SNX31: variants seen among roughly 807,000 people sequenced by gnomAD.
The protein encoded by SNX31 is sorting nexin-31.
Under a neutral mutation model 65.4 loss-of-function variants are expected in SNX31, and 58 were observed. The ratio of observed to expected loss-of-function variants is 0.89; its 90% confidence interval spans 0.72 to 1.10. The LOEUF (loss-of-function observed/expected upper bound fraction) is 1.10, where lower values mean the gene tolerates loss of function less well. SNX31 is among the 50% of genes least tolerant of loss of function. The pLI, the probability that SNX31 is intolerant of heterozygous loss-of-function variation, is 0.00. For synonymous variants in SNX31, 181 were observed against 190.1 expected, an observed-to-expected ratio of 0.95 and a Z score of 0.39; for missense variants, 523 against 529.7, an observed-to-expected ratio of 0.99 and a Z score of 0.12.
chr8:100,591,748 G>A (rs186115619), intron 10 of SNX31, among the ~76,000 whole-genome samples: 5 of 151,998 alleles, frequency 3.3e-5, no homozygotes, highest in Admixed American at 2.0e-4. Flanking sequence ...AGGATCTCTC[G>A]AGCCCACAGG....
At chr8:100,586,045 C>T (rs921081811) in intron 11 of SNX31, among the ~76,000 whole-genome samples, 5 of 152,094 alleles carry the variant, frequency 3.3e-5, no homozygotes, top group East Asian at 1.9e-4. Flanking sequence ...CTTAGCCTCC[C>T]GAGTAGCTGG....
At chr8:100,582,199 T>TTA (rs1192415261) in intron 12 of SNX31, 2 of 152,356 alleles carry the variant, frequency 1.3e-5, no homozygotes, top group South Asian at 2.1e-4. Context: ...CTTGAAAACT[T>TTA]TAAATAGATT....
In SNX31 at chr8:100,660,729, C is replaced by T. The variant is rs566020047; in HGVS notation, c.-58+2413G>A. On this transcript the variant is annotated intron_variant, in intron 1 of 5. Coordinates refer to the SNX31 transcript ENST00000520352. This position sits in a 1 kb window ranked among gnomAD's most constrained non-coding sequence, Gnocchi z 4.1. ...ACTCCAGTGTACTTGCTCTGAATCC[C>T]TCCTCTCCACAGACCCCAACGATTA... is the stretch of plus-strand genomic sequence containing the variant. Among the ~76,000 whole-genome samples the T allele has an allele frequency of 5.8e-4, 88 of 152,228 alleles. No individual in the cohort carries two copies. The highest frequency in any genetic ancestry group is 1.1e-3 in the Non-Finnish European group (76 of 68,034).
At chr8:100,644,361 C>T (rs1274890241) in intron 2 of SNX31, among the ~76,000 whole-genome samples, 2 of 152,154 alleles carry the variant, frequency 1.3e-5, no homozygotes, top group Non-Finnish European at 2.9e-5. Context: ...GTAACTTGGT[C>T]AAAATGAGCT....
At chr8:100,611,218 G>A (rs1208199813) in intron 7 of SNX31, among the ~76,000 whole-genome samples, 1 of 152,068 alleles carries the variant, frequency 6.6e-6, no homozygotes, top group Admixed American at 6.6e-5. Context: ...CACCTTCAGG[G>A]AATACCACAC....
chr8:100,661,285 C>T (rs1256138928), intron 1 of SNX31, among the ~76,000 whole-genome samples: 1 of 151,904 alleles, frequency 6.6e-6, no homozygotes, highest in Non-Finnish European at 1.5e-5. Flanking sequence ...GGATTACAGG[C>T]GTGAGCCACT....
In SNX31 at chr8:100,609,891, T is replaced by C. The variant is rs777201385; in HGVS notation, c.612-1328A>G. Reference sequence around the variant, plus strand: ...CCTGGAGGAAGCCATATCATCATCATTGGAGAGATGCACCCAGGCATCTCT... The same window carrying C: ...CCTGGAGGAAGCCATATCATCATCACTGGAGAGATGCACCCAGGCATCTCT... On this transcript the variant is annotated intron_variant, in intron 7 of 13. Transcript: ENST00000311812. This position sits in a 1 kb window ranked among gnomAD's most constrained non-coding sequence, Gnocchi z 4.9. 2.0e-5 allele frequency among the ~76,000 whole-genome samples: 3 copies of C among 152,186 alleles called. No individual in the cohort carries two copies. The highest frequency in any genetic ancestry group is 6.5e-5 in the Admixed American group (1 of 15,282).
intron 8 of SNX31, among the ~76,000 whole-genome samples, chr8:100,605,842 G>T (rs1478936417): frequency 2.6e-5 from 4 of 152,114 alleles, no homozygotes; most frequent in Non-Finnish European, 5.9e-5. Context: ...AGAAGCAAAA[G>T]ACATGCCATA....
At chr8:100,586,245 G>T (rs540382454) in intron 11 of SNX31, among the ~76,000 whole-genome samples, 1 of 152,184 alleles carries the variant, frequency 6.6e-6, no homozygotes, top group Non-Finnish European at 1.5e-5. Context: ...CATTTAAAAG[G>T]TCTCAAAAAG....
chr8:100,641,818 C>T (rs909704766), intron 2 of SNX31, among the ~76,000 whole-genome samples: 2 of 150,574 alleles, frequency 1.3e-5, no homozygotes, highest in African/African-American at 4.9e-5. Context: ...GTGGCTCACG[C>T]CTGTAATCCC....
intron 5 of SNX31, among the ~76,000 whole-genome samples, chr8:100,615,798 CTT>C (rs1817124400): frequency 1.3e-5 from 2 of 152,172 alleles, no homozygotes; most frequent in South Asian, 4.1e-4. Flanking sequence ...GAGACGGAGT[CTT>C]GCTCTGTCGC....
rs1207379953 is a variant in SNX31, at chr8:100,618,218, C to T, written c.322-488G>A. ...TTTGTGGGGTATAGTGGAGGCAAGG[C>T]AAAGGAGTAACATGAAGCTTAAAGA... On this transcript the variant is annotated intron_variant, in intron 4 of 13. Coordinates refer to ENST00000311812, the MANE Select transcript of SNX31 (RefSeq NM_152628.4). 4 of 1,432,988 alleles carry T rather than the reference C, an allele frequency of 2.8e-6. No individual in the cohort carries two copies. In the South Asian group the frequency reaches 4.3e-5, roughly 15 times the overall value. 88.8% of individuals were successfully genotyped at this position (1,432,988 alleles called of 1,614,324 possible).
At chr8:100,656,338 A>T (rs113362732) in intron 1 of SNX31, among the ~76,000 whole-genome samples, 726 of 152,250 alleles carry the variant, frequency 4.8e-3, no homozygotes, top group Non-Finnish European at 7.4e-3. Flanking sequence ...TCCTGCTCTG[A>T]AAAATAAATA....
At chr8:100,655,517 C>A (rs1008608943) in intron 1 of SNX31, among the ~76,000 whole-genome samples, 1 of 151,198 alleles carries the variant, frequency 6.6e-6, no homozygotes, top group South Asian at 2.1e-4. Context: ...TAAGAGGAAA[C>A]CCCTTTTGCT....
rs377673478 is a variant in SNX31 at position 100,625,721 on chromosome 8, T to C, written c.321+4606A>G. Among the ~76,000 whole-genome samples the C allele has an allele frequency of 6.6e-5, 10 of 152,224 alleles. No individual in the cohort carries two copies. The highest frequency in any genetic ancestry group is 2.4e-4 in the African/African-American group (10 of 41,538). On this transcript the variant is annotated intron_variant, in intron 4 of 13. Coordinates refer to ENST00000311812, the MANE Select transcript of SNX31 (RefSeq NM_152628.4). The surrounding 1 kb of genome is among the most constrained non-coding windows in gnomAD (Gnocchi z 4.2). Reference sequence around the variant, plus strand: ...AAGGAGGGAATCAGAGGTCTCAAAGTGCTGCAGAACTCAAGCAACGCATAA... The same window carrying C: ...AAGGAGGGAATCAGAGGTCTCAAAGCGCTGCAGAACTCAAGCAACGCATAA...
intron 8 of SNX31, among the ~76,000 whole-genome samples, chr8:100,607,779 A>G (rs1177214650): frequency 2.0e-5 from 3 of 152,224 alleles, no homozygotes; most frequent in Admixed American, 1.3e-4. Context: ...CATAAATATT[A>G]TATATATACC....
In SNX31 at chr8:100,576,846, A is replaced by G. The variant is rs1213125729; in HGVS notation, c.1227+173T>C. On this transcript the variant is annotated intron_variant, in intron 13 of 13. Coordinates refer to ENST00000311812, the MANE Select transcript of SNX31 (RefSeq NM_152628.4). The surrounding 1 kb of genome is among the most constrained non-coding windows in gnomAD (Gnocchi z 4.8). ...TGGTAGTGCTATGGGGTGCTACAAT[A>G]AAAATACTATACTTCTGTGATGGCC... Among the ~76,000 whole-genome samples, 1 of 152,208 alleles carries G rather than the reference A, an allele frequency of 6.6e-6. No homozygotes were observed. The highest frequency in any genetic ancestry group is 1.9e-4 in the East Asian group (1 of 5,198).
At chr8:100,628,094 G>C (rs1001586450) in intron 4 of SNX31, among the ~76,000 whole-genome samples, 4 of 152,080 alleles carry the variant, frequency 2.6e-5, no homozygotes, top group African/African-American at 7.3e-5. Flanking sequence ...GAAACAACAG[G>C]TGCTGGAGGG....
chr8:100,663,316 C>A (rs1314409106), exon 1 of SNX31: 9 of 152,160 alleles, frequency 5.9e-5, no homozygotes, highest in African/African-American at 2.2e-4. Flanking sequence ...TGAGCAGTAT[C>A]TTTGTATTTG....
Sources: allele counts gnomAD v4.1 joint callset (sites outside exome capture counted in the v4.1 genomes callset), GRCh38; gene constraint gnomAD v4.1.1; non-coding constraint Gnocchi (gnomAD v3.1); transcripts MANE v1.5; gene names NCBI Gene and HGNC (gene_info 2026-07-23, HGNC 2026-07-21).